Variants in MAF observed in about 807,000 individuals in gnomAD.
MAF encodes the protein MAF bZIP transcription factor, also known as transcription factor Maf.
MAF carries 10 observed loss-of-function variants against 22.0 expected under a neutral mutation model. The observed-to-expected ratio is 0.45, with a 90% CI of 0.28 to 0.77. The LOEUF (loss-of-function observed/expected upper bound fraction) is 0.77. Among genes scored for constraint, MAF ranks in the 30% least tolerant of loss-of-function variants. The probability of loss-of-function intolerance (pLI) is 0.12; values close to 1 mark genes in which losing one functional copy is unlikely to be tolerated. For missense variants in MAF, 544 were observed against 548.4 expected, an observed-to-expected ratio of 0.99 and a Z score of 0.08; for synonymous variants, 337 against 255.8, an observed-to-expected ratio of 1.32 and a Z score of -3.03.
At chr16:79,357,605 T>C in the MAF span, among the ~76,000 whole-genome samples, 1 of 152,152 alleles carries the variant, frequency 6.6e-6, no homozygotes, top group South Asian at 2.1e-4. Flanking sequence ...CTTTGCTAAT[T>C]ACTGTCAGTC....
At chr16:79,476,651 G>A in the MAF span, among the ~76,000 whole-genome samples, 1 of 152,140 alleles carries the variant, frequency 6.6e-6, no homozygotes, top group African/African-American at 2.4e-5. Context: ...AAAGTTGTGA[G>A]GGCGAAAAGG....
chr16:79,241,212 G>T, the MAF span, among the ~76,000 whole-genome samples: 1 of 152,096 alleles, frequency 6.6e-6, no homozygotes, highest in Non-Finnish European at 1.5e-5. Flanking sequence ...GACAGAAGTA[G>T]ACTTCCCAAG....
the MAF span, among the ~76,000 whole-genome samples, chr16:79,308,202 C>T: frequency 1.3e-5 from 2 of 152,348 alleles, no homozygotes; most frequent in Admixed American, 6.5e-5. Context: ...TGACCCAACA[C>T]GGGTCCACAT....
the MAF span, among the ~76,000 whole-genome samples, chr16:79,358,815 G>A: frequency 1.3e-5 from 2 of 152,142 alleles, no homozygotes; most frequent in Non-Finnish European, 1.5e-5. Flanking sequence ...TTCTTGCTCT[G>A]GAGCCCATTC....
At chr16:79,449,996 C>T in the MAF span, among the ~76,000 whole-genome samples, 19 of 152,134 alleles carry the variant, frequency 1.2e-4, no homozygotes, top group African/African-American at 2.9e-4. Flanking sequence ...TGACAGACGC[C>T]GCTAAAACAA....
At chr16:79,563,736 A>AACACACAC in the MAF span, among the ~76,000 whole-genome samples, 10 of 144,290 alleles carry the variant, frequency 6.9e-5, no homozygotes, top group African/African-American at 2.2e-4. Context: ...TTAGCTAGCA[A>AACACACAC]ACACACACAC....
chr16:79,287,738 C>G, the MAF span, among the ~76,000 whole-genome samples: 1 of 152,308 alleles, frequency 6.6e-6, no homozygotes, highest in East Asian at 1.9e-4. Context: ...TTCATTCATT[C>G]ACTCATTCTT....
At chr16:79,398,002 G>A in the MAF span, among the ~76,000 whole-genome samples, 1 of 152,214 alleles carries the variant, frequency 6.6e-6, no homozygotes, top group Admixed American at 6.5e-5. Flanking sequence ...CAGTTCTGGA[G>A]ATCAGAAGTC....
the MAF span, among the ~76,000 whole-genome samples, chr16:79,534,593 G>A: frequency 5.8e-4 from 88 of 152,050 alleles, no homozygotes; most frequent in African/African-American, 2.1e-3. Flanking sequence ...GTCATGGGAT[G>A]GGGGGAGGGA....
At chr16:79,490,424 T>C in the MAF span, among the ~76,000 whole-genome samples, 2 of 152,232 alleles carry the variant, frequency 1.3e-5, no homozygotes, top group African/African-American at 2.4e-5. Flanking sequence ...GGGATTCCTC[T>C]GCCTGAAAGC....
the MAF span, among the ~76,000 whole-genome samples, chr16:79,217,260 G>C: frequency 3.2e-3 from 484 of 152,328 alleles, 4 homozygotes; most frequent in Non-Finnish European, 2.9e-3. Context: ...AGACAGCAGA[G>C]TCAGGATGTG....
At chr16:79,388,864 C>G in the MAF span, among the ~76,000 whole-genome samples, 1 of 152,102 alleles carries the variant, frequency 6.6e-6, no homozygotes, top group Non-Finnish European at 1.5e-5. Context: ...CTCAACAGTA[C>G]CCAACTAAGT....
At chr16:79,239,006 G>C in the MAF span, among the ~76,000 whole-genome samples, 1 of 151,934 alleles carries the variant, frequency 6.6e-6, no homozygotes, top group Non-Finnish European at 1.5e-5. Context: ...CACCGTGCTG[G>C]CTACAAGCTG....
the MAF span, among the ~76,000 whole-genome samples, chr16:79,367,418 C>A: frequency 2.3e-3 from 349 of 152,214 alleles, 5 homozygotes; most frequent in African/African-American, 8.0e-3. Context: ...AGAAAGACAC[C>A]GTTACAGGGC....
At chr16:79,292,809 C>T in the MAF span, among the ~76,000 whole-genome samples, 1 of 152,172 alleles carries the variant, frequency 6.6e-6, no homozygotes, top group Non-Finnish European at 1.5e-5. Context: ...AACCTCTGGT[C>T]GTCCTCACTG....
At chr16:79,519,026 C>A in the MAF span, among the ~76,000 whole-genome samples, 1 of 152,170 alleles carries the variant, frequency 6.6e-6, no homozygotes, top group Non-Finnish European at 1.5e-5. Flanking sequence ...ATGGAAGAGC[C>A]ATGCATCTAT....
At chr16:79,242,106 C>A in the MAF span, among the ~76,000 whole-genome samples, 4 of 151,956 alleles carry the variant, frequency 2.6e-5, no homozygotes, top group African/African-American at 7.2e-5. Context: ...TTGTAAAGAC[C>A]ATTAACACTA....
the MAF span, among the ~76,000 whole-genome samples, chr16:79,410,066 G>A: frequency 6.6e-5 from 10 of 152,198 alleles, no homozygotes; most frequent in South Asian, 4.1e-4. Context: ...TGTAACCACA[G>A]CAGAGTCTTG....
At chr16:79,373,359 C>CTTTTTTTTTTTTTTTTTT in the MAF span, among the ~76,000 whole-genome samples, 1 of 33,326 alleles carries the variant, frequency 3.0e-5, no homozygotes, top group Non-Finnish European at 6.2e-5. Flanking sequence ...GGACTGGTAG[C>CTTTTTTTTTTTTTTTTTT]TTTTTTTTTT....
Sources: allele counts gnomAD v4.1 joint callset (sites outside exome capture counted in the v4.1 genomes callset), GRCh38; gene constraint gnomAD v4.1.1; transcripts MANE v1.5; gene names NCBI Gene and HGNC (gene_info 2026-07-23, HGNC 2026-07-21).